Variants in SIGLEC7 observed in about 807,000 individuals in gnomAD.
The protein encoded by SIGLEC7 is sialic acid-binding Ig-like lectin 7.
In SIGLEC7, 33 loss-of-function variants were observed where a neutral mutation model predicts 40.8. That is an observed-to-expected ratio of 0.81 (90% CI 0.61 to 1.08). The LOEUF is 1.08. Among genes scored for constraint, SIGLEC7 ranks in the 50% least tolerant of loss-of-function variants. The probability of loss-of-function intolerance (pLI) is 0.00; values close to 1 mark genes in which losing one functional copy is unlikely to be tolerated. For missense variants in SIGLEC7, 513 were observed against 576.1 expected (o/e 0.89, Z 1.12); for synonymous variants, 242 against 237.6 (o/e 1.02, Z -0.17).
chr19:51,145,984 C>T lies in SIGLEC7; in HGVS notation c.890C>T (p.Pro297Leu), dbSNP rs1468937065. Reference sequence around the variant, plus strand: ...ACCTGGAGGAGTCTGACCCTGTACCCCTCACAGCCCTCAAACCCTCTGGTA... The same window carrying T: ...ACCTGGAGGAGTCTGACCCTGTACCTCTCACAGCCCTCAAACCCTCTGGTA... The part of the protein sequence containing the change: ...SWTWRSLTLY[P>L]SQPSNPLVLE... Residue 297 changes from proline to leucine, a missense_variant, in exon 4 of 7, where the codon CCC (proline) becomes CTC (leucine). Transcript: ENST00000317643. The surrounding 1 kb of genome is among the most constrained non-coding windows in gnomAD (Gnocchi z 4.3). 6.2e-7 allele frequency: 1 copy of T among 1,614,220 alleles called. No individual in the cohort carries two copies. The highest frequency in any genetic ancestry group is 8.5e-7 in the Non-Finnish European group (1 of 1,180,038).
At chr19:51,146,971 C>A in intron 5 of SIGLEC7, 121 bp downstream of exon 5, 2 of 1,099,316 alleles carry the variant, frequency 1.8e-6, no homozygotes, top group Non-Finnish European at 2.6e-6. Context: ...AGAATGAGCT[C>A]ACGGGTGCGT....
chr19:51,153,134 GGAAA>G lies in SIGLEC7; in HGVS notation c.1296_1299del (p.Glu434SerfsTer43). The G allele has an allele frequency of 6.2e-7, 1 of 1,610,406 alleles. No individual in the cohort carries two copies. The highest frequency in any genetic ancestry group is 8.5e-7 in the Non-Finnish European group (1 of 1,178,310). ...GCCTGGCTGCCCACTCCTCAGGGGAGGAAAGAGAGATCCAGTATGCACCCCTCAG... is the reference window on the plus strand; with the variant it reads ...GCCTGGCTGCCCACTCCTCAGGGGAGGAGAGATCCAGTATGCACCCCTCAG... On this transcript the variant is annotated frameshift_variant, in exon 7 of 7. Coordinates refer to ENST00000317643, the MANE Select transcript of SIGLEC7 (RefSeq NM_014385.4). LOFTEE classifies it low-confidence loss of function (END_TRUNC).
intron 6 of SIGLEC7, among the ~76,000 whole-genome samples, chr19:51,150,604 T>C (rs2122916181): frequency 6.6e-6 from 1 of 152,358 alleles, no homozygotes; most frequent in East Asian, 1.9e-4. Context: ...TCTTTTGTTG[T>C]GTCTTCGCCA....
At position 51,145,900 on chromosome 19, in the gene SIGLEC7, G is replaced by A. The variant is rs1016703799; in HGVS notation, c.806G>A (p.Gly269Asp). 4 of 1,614,040 alleles carry A rather than the reference G, an allele frequency of 2.5e-6. No homozygotes were observed. Among genetic ancestry groups the A allele is most frequent in the African/African-American group, 2.7e-5 (2 of 74,898 alleles). ...GNSSSLSVLEGQSLRLVCAVD... is the reference protein window; with the variant it reads ...GNSSSLSVLEDQSLRLVCAVD... ...AGCTCATCTCTTTCAGTCCTAGAGG[G>A]CCAGTCTCTGCGCTTGGTCTGTGCT... Residue 269 changes from glycine (G) to aspartate (D), a missense_variant, in exon 4 of 7, where the codon GGC becomes GAC. Transcript: ENST00000317643. The surrounding 1 kb of genome is among the most constrained non-coding windows in gnomAD (Gnocchi z 4.3).
chr19:51,149,390 C>A (rs2092130216), intron 6 of SIGLEC7, among the ~76,000 whole-genome samples: 1 of 152,220 alleles, frequency 6.6e-6, no homozygotes, highest in African/African-American at 2.4e-5. Context: ...GTTATCCCAG[C>A]ACCATTTATT....
intron 1 of SIGLEC7, chr19:51,144,050 C>T (rs149666201): frequency 4.1e-5 from 24 of 589,172 alleles, no homozygotes; most frequent in Admixed American, 3.8e-4. Context: ...GACACGGGGC[C>T]GATTCCACCT....
Position 51,146,005 on chromosome 19 carries a change from T to G in SIGLEC7, c.911T>G (p.Leu304Arg), listed in dbSNP as rs773124129. 6.2e-7 allele frequency: 1 copy of G among 1,614,164 alleles called. No individual in the cohort carries two copies. The highest frequency in any genetic ancestry group is 1.1e-5 in the South Asian group (1 of 91,082). The change falls in exon 4 of 7, where the codon CTG becomes CGG. Residue 304 changes from leucine to arginine, a missense_variant. Coordinates refer to ENST00000317643, the MANE Select transcript of SIGLEC7 (RefSeq NM_014385.4). ...TLYPSQPSNP[L>R]VLELQVHLGD... ...TACCCCTCACAGCCCTCAAACCCTC[T>G]GGTACTGGAGCTGCAAGTGCACCTG... is the stretch of plus-strand genomic sequence containing the variant.
At chr19:51,152,998 T>TA in intron 6 of SIGLEC7, 65 bp from the exon 7 acceptor site, 1 of 1,344,630 alleles carries the variant, frequency 7.4e-7, no homozygotes, top group South Asian at 2.1e-5. Flanking sequence ...AAACAACTTG[T>TA]GACTCTCCCT....
At chr19:51,143,391 T>C (rs978156156) in intron 1 of SIGLEC7, among the ~76,000 whole-genome samples, 3 of 151,824 alleles carry the variant, frequency 2.0e-5, no homozygotes, top group Middle Eastern at 3.4e-3. Flanking sequence ...GAGATCCACA[T>C]TTAGATGCTC....
chr19:51,144,374 G>A (rs757169702), intron 1 of SIGLEC7, 32 bp from the exon 2 acceptor site: 19 of 1,580,436 alleles, frequency 1.2e-5, no homozygotes, highest in Non-Finnish European at 1.6e-5. Context: ...TGGATCCTCT[G>A]TCCTGATCCT....
chr19:51,142,578 A>T lies in SIGLEC7; in HGVS notation c.209A>T (p.Asn70Ile). The T allele has an allele frequency of 6.2e-7, 1 of 1,614,032 alleles. No homozygotes were observed. Among genetic ancestry groups the T allele is most frequent in the South Asian group, 1.1e-5 (1 of 91,076 alleles). The change falls in exon 1 of 7, where the codon AAT becomes ATT. Residue 70 changes from asparagine (N) to isoleucine (I), a missense_variant. Physicochemically the swap from Asn to Ile is moderately radical, Grantham distance 149 (BLOSUM62 -3). Coordinates refer to ENST00000317643, the MANE Select transcript of SIGLEC7 (RefSeq NM_014385.4). This position sits in a 1 kb window ranked among gnomAD's most constrained non-coding sequence, Gnocchi z 5.0. ...PVHGYWFRAG[N>I]DISWKAPVAT... ...CATGGCTACTGGTTCCGGGCAGGGA[A>T]TGATATAAGCTGGAAGGCTCCAGTG... is the stretch of plus-strand genomic sequence containing the variant.
intron 4 of SIGLEC7, 127 bp from the exon 5 acceptor site, chr19:51,146,627 C>A: frequency 1.4e-6 from 1 of 729,688 alleles, no homozygotes; most frequent in Non-Finnish European, 2.3e-6. Flanking sequence ...TCCTCCCTCC[C>A]ATTCTTGCCC....
At chr19:51,146,653 G>A (rs894447417) in intron 4 of SIGLEC7, 101 bp from the exon 5 acceptor site, 5 of 954,494 alleles carry the variant, frequency 5.2e-6, no homozygotes, top group African/African-American at 3.3e-5. Context: ...TTCTGGGAAG[G>A]GGGATTAGGG....
chr19:51,142,923 A>G lies in SIGLEC7; in HGVS notation c.433+121A>G, dbSNP rs1480621332. Reference sequence around the variant, plus strand: ...GTGATGGACTCAGGAGAGGAGCTGGACCAGAGCCTGAGCTTCCCCAGGACC... The same window carrying G: ...GTGATGGACTCAGGAGAGGAGCTGGGCCAGAGCCTGAGCTTCCCCAGGACC... On this transcript the variant is annotated intron_variant, in intron 1 of 6. Coordinates refer to ENST00000317643, the MANE Select transcript of SIGLEC7 (RefSeq NM_014385.4). The surrounding 1 kb of genome is among the most constrained non-coding windows in gnomAD (Gnocchi z 5.0). 6.2e-6 allele frequency: 7 copies of G among 1,127,030 alleles called. No individual in the cohort carries two copies. In the African/African-American group the frequency reaches 9.4e-5, roughly 15 times the overall value. The allele number at this position is 1,127,030 out of a possible 1,614,324, so 69.8% of individuals were successfully genotyped here.
rs1329867011 is a variant in SIGLEC7, at chr19:51,153,352, C to T, written c.*107C>T. On this transcript the variant is annotated 3_prime_UTR_variant, in exon 7 of 7. Transcript: ENST00000317643. The stretch of plus-strand genomic sequence containing the variant: ...CAGCCCTCAATGCTGTGCAACAAGA[C>T]ATCAGAACTTATTCCTCTTGTCTAA... 3.5e-6 allele frequency: 3 copies of T among 861,986 alleles called. No homozygotes were observed. Among genetic ancestry groups the T allele is most frequent in the Non-Finnish European group, 5.1e-6 (3 of 587,842 alleles). The allele number at this position is 861,986 out of a possible 1,614,324, so 53.4% of individuals were successfully genotyped here.
Position 51,142,748 on chromosome 19 carries a change from A to G in SIGLEC7, c.379A>G (p.Lys127Glu), listed in dbSNP as rs200225318. The change falls in exon 1 of 7, where the codon AAA becomes GAA. Residue 127 changes from lysine to glutamate, a missense_variant. Lys to Glu is a moderately conservative substitution (Grantham distance 56). Coordinates refer to ENST00000317643, the MANE Select transcript of SIGLEC7 (RefSeq NM_014385.4). The surrounding 1 kb of genome is among the most constrained non-coding windows in gnomAD (Gnocchi z 5.0). The part of the protein sequence containing the change: ...DAGRYFFRME[K>E]GNIKWNYKYD... Reference sequence around the variant, plus strand: ...GGGGAGATACTTCTTTCGTATGGAGAAAGGAAATATAAAATGGAATTATAA... The same window carrying G: ...GGGGAGATACTTCTTTCGTATGGAGGAAGGAAATATAAAATGGAATTATAA... 2.2e-5 allele frequency: 36 copies of G among 1,612,956 alleles called. No individual in the cohort carries two copies. The highest frequency in any genetic ancestry group is 1.6e-4 in the Middle Eastern group (1 of 6,078).
chr19:51,147,331 G>A lies in SIGLEC7; in HGVS notation c.1221+14G>A. The stretch of plus-strand genomic sequence containing the variant: ...TCAGCCTCTCAGGTGAGTGATATGG[G>A]CGTCTCCACACCCAGCATCCAGCTG... On this transcript the variant is annotated intron_variant, in intron 6 of 6. Transcript: ENST00000317643. 1 of 1,600,896 alleles carries A rather than the reference G, an allele frequency of 6.2e-7. No individual in the cohort carries two copies. The highest frequency in any genetic ancestry group is 8.5e-7 in the Non-Finnish European group (1 of 1,172,062).
At chr19:51,152,951 C>T (rs971620373) in intron 6 of SIGLEC7, 112 bp from the exon 7 acceptor site, 3 of 786,790 alleles carry the variant, frequency 3.8e-6, no homozygotes, top group Non-Finnish European at 5.6e-6. Context: ...AAGTTTAATT[C>T]TATACAGAGG....
chr19:51,147,866 T>C (rs1330862239), intron 6 of SIGLEC7, among the ~76,000 whole-genome samples: 3 of 152,168 alleles, frequency 2.0e-5, no homozygotes, highest in Non-Finnish European at 2.9e-5. Flanking sequence ...GCCTACACAG[T>C]CTCATTGCAG....
Sources: gnomAD v4.1 joint callset for allele counts (sites outside exome capture counted in the v4.1 genomes callset) on GRCh38, gnomAD v4.1.1 for gene constraint, Gnocchi (gnomAD v3.1) non-coding constraint, MANE v1.5 for transcripts, NCBI Gene and HGNC (gene_info 2026-07-23, HGNC 2026-07-21) for gene names.